ZFAND3: variants seen among roughly 807,000 people sequenced by gnomAD.
ZFAND3 encodes AN1-type zinc finger protein 3.
A neutral mutation model predicts 29.6 loss-of-function variants in ZFAND3; 10 were observed. That is an observed-to-expected ratio of 0.34 (90% CI 0.21 to 0.57). ZFAND3 has a LOEUF of 0.57. ZFAND3 is among the 20% of genes least tolerant of loss of function. The pLI, the probability that ZFAND3 is intolerant of heterozygous loss-of-function variation, is 0.86. For synonymous variants in ZFAND3, 128 were observed against 112.6 expected, an observed-to-expected ratio of 1.14 and a Z score of -0.87; for missense variants, 230 against 304.5, an observed-to-expected ratio of 0.76 and a Z score of 1.82.
chr6:37,936,595 C>T (rs1363033141), intron 2 of ZFAND3, among the ~76,000 whole-genome samples: 2 of 152,138 alleles, frequency 1.3e-5, no homozygotes, highest in Admixed American at 1.3e-4. Context: ...TTTGCTATCA[C>T]GTGGTTCACA....
intron 2 of ZFAND3, among the ~76,000 whole-genome samples, chr6:37,964,500 G>T (rs1027360644): frequency 2.6e-5 from 4 of 152,168 alleles, no homozygotes; most frequent in African/African-American, 9.7e-5. Context: ...CACTCATAGT[G>T]TCAGTGACTG....
intron 2 of ZFAND3, among the ~76,000 whole-genome samples, chr6:37,948,803 G>C (rs1761945444): frequency 1.3e-5 from 2 of 152,136 alleles, no homozygotes; most frequent in Admixed American, 1.3e-4. Context: ...TTTTATGGCT[G>C]CATAGTATTC....
chr6:38,028,368 A>G (rs1449147255), intron 2 of ZFAND3, among the ~76,000 whole-genome samples: 1 of 152,162 alleles, frequency 6.6e-6, no homozygotes, highest in East Asian at 1.9e-4. Context: ...TTAGATACAC[A>G]TTACACCAAA....
At chr6:38,023,292 T>A (rs1025316308) in intron 2 of ZFAND3, among the ~76,000 whole-genome samples, 1 of 152,216 alleles carries the variant, frequency 6.6e-6, no homozygotes, top group Non-Finnish European at 1.5e-5. Context: ...ATTACCCCTT[T>A]TCATTGAAGA....
At chr6:38,070,426 A>G (rs7761827) in intron 3 of ZFAND3, among the ~76,000 whole-genome samples, 217 of 150,984 alleles carry the variant, frequency 1.4e-3, no homozygotes, top group South Asian at 9.8e-3. Context: ...AAAAAAAAAA[A>G]AAAGATTTTA....
chr6:37,830,565 C>T (rs1763841756), intron 1 of ZFAND3, among the ~76,000 whole-genome samples: 1 of 152,154 alleles, frequency 6.6e-6, no homozygotes, highest in African/African-American at 2.4e-5. Context: ...AATTGGTGTT[C>T]CATCATTTTA....
intron 5 of ZFAND3, among the ~76,000 whole-genome samples, chr6:38,130,623 T>A (rs1415287668): frequency 6.6e-6 from 1 of 152,244 alleles, no homozygotes; most frequent in Non-Finnish European, 1.5e-5. Context: ...TTTATTGACT[T>A]GAGTATGTTA....
chr6:37,912,948 AT>A (rs1458872038), intron 1 of ZFAND3, among the ~76,000 whole-genome samples: 4 of 152,242 alleles, frequency 2.6e-5, no homozygotes, highest in Non-Finnish European at 5.9e-5. Flanking sequence ...TATAAAAGTT[AT>A]GTTTATACCA....
intron 2 of ZFAND3, among the ~76,000 whole-genome samples, chr6:38,046,140 A>G (rs1185128054): frequency 6.6e-6 from 1 of 152,242 alleles, no homozygotes; most frequent in African/African-American, 2.4e-5. Context: ...GGTAAGCACC[A>G]TCTCTCAGAC....
intron 4 of ZFAND3, 143 bp downstream of exon 4, chr6:38,082,600 G>A (rs17649606): frequency 0.07 from 47,969 of 686,410 alleles, 2,087 homozygotes; most frequent in Non-Finnish European, 0.084. Context: ...TATTCACGGC[G>A]GAGTGTCAGC....
At chr6:37,820,076 G>A in intron 1 of ZFAND3, 60 bp downstream of exon 1, 1 of 1,178,462 alleles carries the variant, frequency 8.5e-7, no homozygotes. Context: ...CGCCAGGGCA[G>A]CCTGGGCAGG....
At chr6:37,977,198 T>G (rs1348419710) in intron 2 of ZFAND3, among the ~76,000 whole-genome samples, 3 of 152,214 alleles carry the variant, frequency 2.0e-5, no homozygotes, top group Non-Finnish European at 4.4e-5. Context: ...GGACCCTCAT[T>G]GTATATGTGG....
chr6:37,918,623 C>CA (rs1459475128), intron 1 of ZFAND3, among the ~76,000 whole-genome samples: 4 of 152,112 alleles, frequency 2.6e-5, no homozygotes, highest in African/African-American at 9.7e-5. Context: ...ATGGATAAAT[C>CA]AGAGCCTCTC....
chr6:38,041,627 ACTTTTTCTTCTTCTTCTTCTT>A (rs1763764621), intron 2 of ZFAND3, among the ~76,000 whole-genome samples: 3 of 66,404 alleles, frequency 4.5e-5, no homozygotes, highest in African/African-American at 1.5e-4. Context: ...TTTTTTATCT[ACTTTTTCTTCTTCTTCTTCTT>A]CTTCTTCTTC....
chr6:38,052,936 A>G lies in ZFAND3; in HGVS notation c.113-8657A>G, dbSNP rs188750941. On this transcript the variant is annotated intron_variant, in intron 2 of 5. Transcript: ENST00000287218. ...GCAATCCCAGCTACTTGGGTGGCCA[A>G]AGCAGGAGAATTGCTCGAACCCGGG... Among the ~76,000 whole-genome samples the G allele has an allele frequency of 2.0e-3, 297 of 152,228 alleles. 1 individual carries two copies. The highest frequency in any genetic ancestry group is 6.8e-3 in the African/African-American group (281 of 41,546).
At chr6:37,975,831 C>A (rs897739332) in intron 2 of ZFAND3, among the ~76,000 whole-genome samples, 3 of 152,106 alleles carry the variant, frequency 2.0e-5, no homozygotes, top group Non-Finnish European at 4.4e-5. Context: ...AATCCTTCAA[C>A]TTTATTTTCA....
chr6:38,093,467 A>C (rs1185921150), intron 4 of ZFAND3, among the ~76,000 whole-genome samples: 1 of 152,216 alleles, frequency 6.6e-6, no homozygotes, highest in Non-Finnish European at 1.5e-5. Context: ...AGAAATTGCT[A>C]ATTTAGAAAC....
chr6:37,835,986 G>T (rs1763961335), intron 1 of ZFAND3, among the ~76,000 whole-genome samples: 1 of 152,162 alleles, frequency 6.6e-6, no homozygotes, highest in Non-Finnish European at 1.5e-5. Flanking sequence ...GAATTTTAGG[G>T]CTTATGGACA....
At chr6:38,027,787 A>G (rs1314264107) in intron 2 of ZFAND3, among the ~76,000 whole-genome samples, 1 of 152,222 alleles carries the variant, frequency 6.6e-6, no homozygotes, top group Non-Finnish European at 1.5e-5. Flanking sequence ...GGGTAAGTGG[A>G]AGACTGACTC....
Sources: gnomAD v4.1 joint callset for allele counts (sites outside exome capture counted in the v4.1 genomes callset) on GRCh38, gnomAD v4.1.1 for gene constraint, MANE v1.5 for transcripts, NCBI Gene and HGNC (gene_info 2026-07-23, HGNC 2026-07-21) for gene names.